The following KIF1B variants were observed in gnomAD, a reference collection of about 807,000 sequenced individuals.
The protein encoded by KIF1B is kinesin family member 1B.
A neutral mutation model predicts 241.9 loss-of-function variants in KIF1B; 76 were observed. That is an observed-to-expected ratio of 0.31 (90% CI 0.26 to 0.38). The LOEUF (loss-of-function observed/expected upper bound fraction) is 0.38. Ranked by LOEUF, KIF1B falls within the 10% of genes least tolerant of loss-of-function variation. The pLI is 1.00. For missense variants in KIF1B, 1,622 were observed against 2,271.4 expected, an observed-to-expected ratio of 0.71 and a Z score of 5.81; for synonymous variants, 750 against 796.7, an observed-to-expected ratio of 0.94 and a Z score of 0.99.
At chr1:10,324,149 C>T (rs2102299219) in intron 25 of KIF1B, 87 bp downstream of exon 25, 1 of 1,250,340 alleles carries the variant, frequency 8.0e-7, no homozygotes, top group African/African-American at 1.5e-5. Flanking sequence ...TCTCCTCTCT[C>T]TGAGGACACT....
intron 6 of KIF1B, 53 bp from the exon 7 acceptor site, chr1:10,268,099 C>G: frequency 1.7e-6 from 2 of 1,173,168 alleles, no homozygotes. Flanking sequence ...CTGTCCATTT[C>G]AACTCTCATC....
chr1:10,332,500 C>CA (rs1651984439), intron 27 of KIF1B, among the ~76,000 whole-genome samples: 1 of 97,840 alleles, frequency 1.0e-5, no homozygotes, highest in Non-Finnish European at 1.9e-5. Flanking sequence ...AGATAATAGT[C>CA]ATTTTTTTTT....
intron 27 of KIF1B, among the ~76,000 whole-genome samples, chr1:10,334,069 T>A (rs1351779424): frequency 6.9e-6 from 1 of 144,538 alleles, no homozygotes; most frequent in Non-Finnish European, 1.5e-5. Context: ...GAGAATCACT[T>A]GAACCCGGGA....
chr1:10,343,302 C>G lies in KIF1B; in HGVS notation c.3688+15C>G. The G allele has an allele frequency of 6.2e-7, 1 of 1,613,214 alleles. No homozygotes were observed. On this transcript the variant is annotated intron_variant, in intron 34 of 48. Transcript: ENST00000676179. ...GTCCAAGCCAGGTGAGCACTCGCTC[C>G]GCTTTTTGCATGATGATCTCTTTGT...
chr1:10,345,069 C>T (rs1242464075), intron 34 of KIF1B, among the ~76,000 whole-genome samples: 1 of 151,960 alleles, frequency 6.6e-6, no homozygotes, highest in Non-Finnish European at 1.5e-5. Flanking sequence ...TGGTGCACGC[C>T]TTTGGTCTCA....
intron 17 of KIF1B, chr1:10,292,437 C>T (rs1569733316): frequency 3.1e-6 from 1 of 319,466 alleles, no homozygotes; most frequent in South Asian, 3.2e-5. Flanking sequence ...ACCTAGCGTA[C>T]TTTCAGTTTT....
intron 9 of KIF1B, 89 bp from the exon 10 acceptor site, chr1:10,272,925 T>A (rs1394513792): frequency 9.3e-7 from 1 of 1,080,820 alleles, no homozygotes; most frequent in Non-Finnish European, 1.4e-6. Flanking sequence ...AATCATAATC[T>A]ATGACATGAA....
chr1:10,266,800 A>G (rs549567654), intron 5 of KIF1B, among the ~76,000 whole-genome samples: 2 of 152,274 alleles, frequency 1.3e-5, no homozygotes, highest in South Asian at 4.1e-4. Context: ...TTCCAGAGAT[A>G]ATCTGTTTAC....
chr1:10,323,256 G>A (rs1651592761), intron 24 of KIF1B, among the ~76,000 whole-genome samples: 2 of 152,158 alleles, frequency 1.3e-5, no homozygotes, highest in East Asian at 3.8e-4. Context: ...TGAGGGACTA[G>A]ATATGCATTT....
At chr1:10,371,081 T>C in intron 44 of KIF1B, 60 bp from the exon 45 acceptor site, 3 of 1,611,100 alleles carry the variant, frequency 1.9e-6, no homozygotes, top group Non-Finnish European at 2.5e-6. Flanking sequence ...CTCCCTATTG[T>C]TACTGTAGAG....
chr1:10,242,807 G>A (rs115767228), intron 2 of KIF1B, among the ~76,000 whole-genome samples: 3,864 of 152,198 alleles, frequency 0.025, 56 homozygotes, highest in Middle Eastern at 0.038. Flanking sequence ...GAACCACTGC[G>A]CCTGGCCTAT....
chr1:10,240,507 C>G (rs1012499088), intron 2 of KIF1B, among the ~76,000 whole-genome samples: 7 of 152,148 alleles, frequency 4.6e-5, no homozygotes, highest in African/African-American at 1.7e-4. Context: ...CACACCCGGC[C>G]TGAACCATTT....
intron 1 of KIF1B, among the ~76,000 whole-genome samples, chr1:10,215,160 ATATATATATATATTTTT>A (rs1646748315): frequency 2.9e-5 from 2 of 69,752 alleles, no homozygotes; most frequent in African/African-American, 1.8e-4. Flanking sequence ...ATATATATAT[ATATATATATATATTTTT>A]TTTTTTTTTT....
intron 22 of KIF1B, among the ~76,000 whole-genome samples, chr1:10,313,263 T>G (rs1651145270): frequency 6.6e-6 from 1 of 151,298 alleles, no homozygotes; most frequent in Non-Finnish European, 1.5e-5. Flanking sequence ...AGATGAGTTT[T>G]GCCATGGTGA....
rs2102350391 is a variant in KIF1B, at chr1:10,365,513, C to T, written c.4617C>T (p.Leu1539=). 6.2e-7 allele frequency: 1 copy of T among 1,614,146 alleles called. No homozygotes were observed. The highest frequency in any genetic ancestry group is 8.5e-7 in the Non-Finnish European group (1 of 1,180,028). The change falls in exon 43 of 49, where the codon CTC becomes CTT. Residue 1539 remains leucine, a synonymous_variant. Transcript: ENST00000676179. The surrounding 1 kb of genome is among the most constrained non-coding windows in gnomAD (Gnocchi z 4.0). ...CCCCCAGCCTCAGCAGTGGGACCCT[C>T]AGCACCTCCACCAGTATCTCCTCTC... ...SLSPSLSSGT[L]STSTSISSQI... is the part of the protein sequence containing the mutation.
intron 7 of KIF1B, among the ~76,000 whole-genome samples, chr1:10,269,514 C>CAAAAAAG (rs1648662830): frequency 1.2e-5 from 1 of 80,966 alleles, no homozygotes; most frequent in African/African-American, 4.5e-5. Flanking sequence ...GACTCTGTCT[C>CAAAAAAG]AAAAAAAAAA....
rs781002203 is a variant in KIF1B, at chr1:10,365,426, C to T, written c.4530C>T (p.His1510=). 1 of 1,614,180 alleles carries T rather than the reference C, an allele frequency of 6.2e-7. No homozygotes were observed. The change falls in exon 43 of 49, where the codon CAC becomes CAT. Residue 1510 remains histidine (H), a synonymous_variant. Coordinates refer to ENST00000676179, the MANE Select transcript of KIF1B (RefSeq NM_001365951.3). The surrounding 1 kb of genome is among the most constrained non-coding windows in gnomAD (Gnocchi z 4.0). ...ELLHEVEKTR[H]FLLLRERLGD... is the part of the protein sequence containing the mutation. ...CTTCTCAGGTGGAAAAAACCCGCCA[C>T]TTTTTGCTGCTGCGTGAGAGACTTG...
intron 22 of KIF1B, among the ~76,000 whole-genome samples, chr1:10,311,128 C>T (rs1651047106): frequency 6.6e-6 from 1 of 151,324 alleles, no homozygotes; most frequent in Non-Finnish European, 1.5e-5. Context: ...CAGTTTCTCT[C>T]CTGGATTATT....
chr1:10,261,565 A>T (rs1648147227), intron 4 of KIF1B, among the ~76,000 whole-genome samples: 1 of 152,108 alleles, frequency 6.6e-6, no homozygotes, highest in Non-Finnish European at 1.5e-5. Context: ...TTTGAAAAAA[A>T]ATTTAAACTT....
Sources: gnomAD v4.1 joint callset for allele counts (sites outside exome capture counted in the v4.1 genomes callset) on GRCh38, gnomAD v4.1.1 for gene constraint, Gnocchi (gnomAD v3.1) non-coding constraint, MANE v1.5 for transcripts, NCBI Gene and HGNC (gene_info 2026-07-23, HGNC 2026-07-21) for gene names.